NCMAP: variants seen among roughly 807,000 people sequenced by gnomAD.
NCMAP encodes noncompact myelin-associated protein.
NCMAP carries 8 observed loss-of-function variants against 7.8 expected under a neutral mutation model. That is an observed-to-expected ratio of 1.02 (90% confidence interval 0.60 to 1.84). The LOEUF is 1.84. NCMAP is among the 40% of genes most tolerant of loss of function. The pLI is 0.00. For synonymous variants in NCMAP, 41 were observed against 52.9 expected (o/e 0.78, Z 0.98); for missense variants, 112 against 131.4 (o/e 0.85, Z 0.72).
In NCMAP at chr1:24,576,406, C is replaced by G. The variant is rs965078897; in HGVS notation, c.-7-19018C>G. The stretch of plus-strand genomic sequence containing the variant: ...CAGCTCACACCGTGGGCAGCTTGAA[C>G]GGCTGGGATTGTTTCCCCAACTCCT... On this transcript the variant is annotated intron_variant, in intron 1 of 3. Coordinates refer to ENST00000374392, the MANE Select transcript of NCMAP (RefSeq NM_001010980.5). The surrounding 1 kb of genome is among the most constrained non-coding windows in gnomAD (Gnocchi z 4.0). 2.0e-5 allele frequency among the ~76,000 whole-genome samples: 3 copies of G among 152,210 alleles called. No homozygotes were observed. The highest frequency in any genetic ancestry group is 4.4e-5 in the Non-Finnish European group (3 of 68,038).
chr1:24,588,824 AG>A (rs1225545348), intron 1 of NCMAP, among the ~76,000 whole-genome samples: 1 of 152,164 alleles, frequency 6.6e-6, no homozygotes, highest in East Asian at 1.9e-4. Context: ...AGTCAGGGTC[AG>A]GGTCATAGGC....
chr1:24,585,040 A>G (rs1415297272), intron 1 of NCMAP, among the ~76,000 whole-genome samples: 4 of 152,022 alleles, frequency 2.6e-5, no homozygotes, highest in Non-Finnish European at 5.9e-5. Context: ...TGGAGCAGAA[A>G]ATGTGCTCCC....
rs11806787 is a variant in NCMAP at position 24,576,297 on chromosome 1, G to A, written c.-7-19127G>A. Among the ~76,000 whole-genome samples the A allele has an allele frequency of 0.018, 2,744 of 152,296 alleles. 77 individuals carry two copies. The highest frequency in any genetic ancestry group is 0.062 in the African/African-American group (2,590 of 41,554). ...GAAAAGACAGGCGGCAGGCCAAGAC[G>A]AGAGTGTAGGTTTAAATGACACCGC... is the stretch of plus-strand genomic sequence containing the variant. On this transcript the variant is annotated intron_variant, in intron 1 of 3. Transcript: ENST00000374392. This position sits in a 1 kb window ranked among gnomAD's most constrained non-coding sequence, Gnocchi z 4.0.
chr1:24,594,666 G>A (rs1652158442), intron 1 of NCMAP, among the ~76,000 whole-genome samples: 1 of 152,040 alleles, frequency 6.6e-6, no homozygotes, highest in Non-Finnish European at 1.5e-5. Context: ...ATATTCAACT[G>A]TATCTCTTCC....
intron 1 of NCMAP, among the ~76,000 whole-genome samples, chr1:24,591,286 G>A (rs1383620998): frequency 2.0e-5 from 3 of 152,004 alleles, no homozygotes; most frequent in Non-Finnish European, 2.9e-5. Flanking sequence ...TTTTTTTTGA[G>A]ATGGACTCTC....
chr1:24,564,889 AAAG>A (rs1206330665), intron 1 of NCMAP, among the ~76,000 whole-genome samples: 2 of 152,240 alleles, frequency 1.3e-5, no homozygotes, highest in Non-Finnish European at 2.9e-5. Flanking sequence ...AATTTAAAAA[AAAG>A]AACTCTTTCA....
At chr1:24,598,928 A>G (rs76132203) in intron 2 of NCMAP, among the ~76,000 whole-genome samples, 5,286 of 151,298 alleles carry the variant, frequency 0.035, 148 homozygotes, top group Middle Eastern at 0.12. Context: ...GTGAGCCACC[A>G]AACCCAGCAG....
intron 1 of NCMAP, among the ~76,000 whole-genome samples, chr1:24,577,477 G>A (rs1428191677): frequency 2.4e-5 from 3 of 124,142 alleles, no homozygotes; most frequent in South Asian, 2.6e-4. Flanking sequence ...TTCTCACTAC[G>A]TTGCCCAGGC....
At chr1:24,567,766 A>AGAAGTGGAGGACATTCCC (rs1651268814) in intron 1 of NCMAP, among the ~76,000 whole-genome samples, 1 of 152,150 alleles carries the variant, frequency 6.6e-6, no homozygotes, top group African/African-American at 2.4e-5. Flanking sequence ...GGAGGAGGGA[A>AGAAGTGGAGGACATTCCC]GAAGTGGAGG....
intron 2 of NCMAP, among the ~76,000 whole-genome samples, chr1:24,596,565 T>C (rs902159152): frequency 3.3e-5 from 5 of 151,636 alleles, no homozygotes; most frequent in Admixed American, 6.6e-5. Context: ...GCTCCTGGAG[T>C]CCCAGCTACA....
At chr1:24,601,370 A>G (rs1002735818) in intron 3 of NCMAP, among the ~76,000 whole-genome samples, 7 of 152,218 alleles carry the variant, frequency 4.6e-5, no homozygotes, top group African/African-American at 1.7e-4. Flanking sequence ...AGCTGGCCAC[A>G]TAAGTATTTG....
chr1:24,594,930 G>GTTTA (rs750729844), intron 1 of NCMAP, among the ~76,000 whole-genome samples: 5 of 152,172 alleles, frequency 3.3e-5, no homozygotes, highest in East Asian at 1.9e-4. Flanking sequence ...TTTTTCATCT[G>GTTTA]TTTATTTATT....
At position 24,609,220 on chromosome 1, in the gene NCMAP, C is replaced by T. The variant is rs1409837996; in HGVS notation, c.*3473C>T. ...CACCACGTGGTTATGTATTTTGTTT[C>T]TGATGAGGTGCCTTTCTTAGCAGAT... is the stretch of plus-strand genomic sequence containing the variant. On this transcript the variant is annotated 3_prime_UTR_variant, in exon 4 of 4. Transcript: ENST00000374392. The T allele has an allele frequency of 1.3e-5, 2 of 152,174 alleles. No individual in the cohort carries two copies. The highest frequency in any genetic ancestry group is 2.9e-5 in the Non-Finnish European group (2 of 68,026). The allele number at this position is 152,174 out of a possible 1,614,324, so 9.4% of individuals were successfully genotyped here. A position where few individuals can be genotyped will look rare whatever the true frequency, so the allele number is the denominator to read the frequency against.
chr1:24,556,421 G>C (rs1187302344), intron 1 of NCMAP, among the ~76,000 whole-genome samples: 1 of 152,196 alleles, frequency 6.6e-6, no homozygotes, highest in East Asian at 1.9e-4. Flanking sequence ...AGACGAGGTC[G>C]TTTCCTTGTC....
At chr1:24,591,697 A>G (rs1423280075) in intron 1 of NCMAP, among the ~76,000 whole-genome samples, 3 of 152,118 alleles carry the variant, frequency 2.0e-5, no homozygotes, top group Admixed American at 6.5e-5. Flanking sequence ...TGGGGAGGTC[A>G]GGCAGAGCCA....
At chr1:24,567,759 G>A (rs1238907138) in intron 1 of NCMAP, among the ~76,000 whole-genome samples, 2 of 152,144 alleles carry the variant, frequency 1.3e-5, no homozygotes, top group African/African-American at 4.8e-5. Flanking sequence ...AGTTCATGGA[G>A]GAGGGAAGAA....
At chr1:24,590,508 G>A (rs1042230385) in intron 1 of NCMAP, among the ~76,000 whole-genome samples, 5 of 152,154 alleles carry the variant, frequency 3.3e-5, no homozygotes, top group South Asian at 2.1e-4. Context: ...AGGCAGGGCC[G>A]GCATCTCCCC....
chr1:24,600,911 C>G (rs1222881007), intron 2 of NCMAP, 29 bp from the exon 3 acceptor site: 2 of 1,608,056 alleles, frequency 1.2e-6, no homozygotes, highest in Non-Finnish European at 1.7e-6. Flanking sequence ...TTTGCACATT[C>G]ACGGTCTCTG....
chr1:24,573,969 A>AAAAAAAAAAAAAAAAAAAAAC (rs1274825221), intron 1 of NCMAP, among the ~76,000 whole-genome samples: 3 of 136,782 alleles, frequency 2.2e-5, no homozygotes, highest in Non-Finnish European at 4.7e-5. Context: ...AAAAAAAAAA[A>AAAAAAAAAAAAAAAAAAAAAC]AACAGAAAAA....
Sources: gnomAD v4.1 joint callset for allele counts (sites outside exome capture counted in the v4.1 genomes callset) on GRCh38, gnomAD v4.1.1 for gene constraint, Gnocchi (gnomAD v3.1) non-coding constraint, MANE v1.5 for transcripts, NCBI Gene and HGNC (gene_info 2026-07-23, HGNC 2026-07-21) for gene names.